SNTG2: variants seen among roughly 807,000 people sequenced by gnomAD.
The protein encoded by SNTG2 is gamma-2-syntrophin.
A neutral mutation model predicts 70.9 loss-of-function variants in SNTG2; 74 were observed. That is an observed-to-expected ratio of 1.04 (90% CI 0.86 to 1.27). The LOEUF (loss-of-function observed/expected upper bound fraction) is 1.27. SNTG2 is among the 50% of genes most tolerant of loss of function. The pLI is 0.00. For missense variants in SNTG2, 717 were observed against 690.7 expected (o/e 1.04, Z -0.43); for synonymous variants, 278 against 273.8 (o/e 1.02, Z -0.15).
chr2:1,287,392 A>C (rs1679807582), intron 14 of SNTG2, among the ~76,000 whole-genome samples: 1 of 152,210 alleles, frequency 6.6e-6, no homozygotes, highest in Admixed American at 6.5e-5. Flanking sequence ...TGAGTCCGGC[A>C]GCCTTTCCTT....
Position 1,247,378 on chromosome 2 carries a change from C to G in SNTG2, c.940C>G (p.Gln314Glu). The change falls in exon 12 of 17, where the codon CAA (glutamine) becomes GAA (glutamate). Residue 314 changes from glutamine (Q) to glutamate (E), a missense_variant. By Grantham distance (29) the Gln-to-Glu change is conservative. Transcript: ENST00000308624. ...NEKLQGADSS[Q>E]TFRPKFLALK... ...GAAACTCCAAGGAGCTGACTCCTCT[C>G]AAACCTTCAGACCCAAGTTCCTAGC... is the stretch of plus-strand genomic sequence containing the variant. 6.2e-7 allele frequency: 1 copy of G among 1,613,980 alleles called. No homozygotes were observed. Among genetic ancestry groups the G allele is most frequent in the Non-Finnish European group, 8.5e-7 (1 of 1,179,880 alleles).
rs1330788533 is a variant in SNTG2 at position 1,316,753 on chromosome 2, T to C, written c.1488+378T>C. On this transcript the variant is annotated intron_variant, in intron 16 of 16. Coordinates refer to ENST00000308624, the MANE Select transcript of SNTG2 (RefSeq NM_018968.4). ...TGGAGCACTTAGCATCAGGGCAGCA[T>C]TGGAGAAGGTTGGGATTCTGGAACA... Among the ~76,000 whole-genome samples, 2 of 128,496 alleles carry C rather than the reference T, an allele frequency of 1.6e-5. 1 individual carries two copies. Among genetic ancestry groups the C allele is most frequent in the Non-Finnish European group, 3.4e-5 (2 of 58,366 alleles). The allele number at this position is 128,496 out of a possible 152,430, so 84.3% of individuals were successfully genotyped here.
At chr2:1,110,291 GGGTCACCAT>G (rs1243569428) in intron 4 of SNTG2, among the ~76,000 whole-genome samples, 1 of 152,092 alleles carries the variant, frequency 6.6e-6, no homozygotes, top group African/African-American at 2.4e-5. Flanking sequence ...TTGTGTGATG[GGGTCACCAT>G]GACATGGGCC....
chr2:1,037,824 T>A, intron 1 of SNTG2, among the ~76,000 whole-genome samples: 1 of 152,180 alleles, frequency 6.6e-6, no homozygotes, highest in African/African-American at 2.4e-5. Flanking sequence ...GGCTACAACA[T>A]GTTATTTATC....
At position 1,209,104 on chromosome 2, in the gene SNTG2, C is replaced by T; in HGVS notation, c.593C>T (p.Ala198Val). The change falls in exon 9 of 17, where the codon GCC becomes GTC. Residue 198 changes from alanine to valine, a missense_variant and splice_region_variant. Transcript: ENST00000308624. ...LHLNGNSSTTAPSSPSSPIAK... is the reference protein window; with the variant it reads ...LHLNGNSSTTVPSSPSSPIAK... Reference sequence around the variant, plus strand: ...TTCATTCTCCTTTCTTCTGTACAGGCCCCATCGTCACCTTCCTCGCCCATA... The same window carrying T: ...TTCATTCTCCTTTCTTCTGTACAGGTCCCATCGTCACCTTCCTCGCCCATA... 1 of 1,613,918 alleles carries T rather than the reference C, an allele frequency of 6.2e-7. No homozygotes were observed. The highest frequency in any genetic ancestry group is 8.5e-7 in the Non-Finnish European group (1 of 1,179,880).
chr2:978,829 T>A (rs1269951577), intron 1 of SNTG2, among the ~76,000 whole-genome samples: 1 of 152,246 alleles, frequency 6.6e-6, no homozygotes, highest in Non-Finnish European at 1.5e-5. Flanking sequence ...TAATCAAGTG[T>A]ATGAACCTGG....
intron 1 of SNTG2, among the ~76,000 whole-genome samples, chr2:981,702 T>G (rs1558292175): frequency 6.6e-6 from 1 of 152,138 alleles, no homozygotes; most frequent in Non-Finnish European, 1.5e-5. Flanking sequence ...CATATACACA[T>G]GCACACACAA....
At chr2:1,251,835 T>C (rs13024565) in intron 12 of SNTG2, among the ~76,000 whole-genome samples, 49,967 of 151,620 alleles carry the variant, frequency 0.33, 9,726 homozygotes, top group African/African-American at 0.55. Context: ...ACACACCACA[T>C]GCACACCCCA....
chr2:1,202,569 G>C (rs144458877), intron 8 of SNTG2, among the ~76,000 whole-genome samples: 1 of 152,184 alleles, frequency 6.6e-6, no homozygotes, highest in African/African-American at 2.4e-5. Flanking sequence ...AAGCCCAGCA[G>C]TATGAGAATC....
At chr2:1,242,075 C>T (rs1271654237) in intron 11 of SNTG2, among the ~76,000 whole-genome samples, 1 of 152,110 alleles carries the variant, frequency 6.6e-6, no homozygotes, top group Non-Finnish European at 1.5e-5. Flanking sequence ...GGAAATTGAT[C>T]TTAGAGCTGA....
intron 11 of SNTG2, among the ~76,000 whole-genome samples, chr2:1,240,888 C>T (rs1371394563): frequency 6.6e-6 from 1 of 152,126 alleles, no homozygotes; most frequent in East Asian, 1.9e-4. Context: ...ATAAATTCTT[C>T]AAATTAATAT....
At chr2:1,334,897 A>C (rs545508898) in intron 16 of SNTG2, among the ~76,000 whole-genome samples, 1 of 152,320 alleles carries the variant, frequency 6.6e-6, no homozygotes, top group South Asian at 2.1e-4. Context: ...AAACAACTTA[A>C]CCATGTAACC....
At chr2:1,257,558 AAG>A (rs1473358753) in intron 12 of SNTG2, among the ~76,000 whole-genome samples, 1 of 152,222 alleles carries the variant, frequency 6.6e-6, no homozygotes, top group Non-Finnish European at 1.5e-5. Context: ...GCGAACAACA[AAG>A]AGCACAGCCC....
chr2:1,277,059 A>C (rs1679296880), intron 14 of SNTG2, among the ~76,000 whole-genome samples: 1 of 152,256 alleles, frequency 6.6e-6, no homozygotes, highest in Non-Finnish European at 1.5e-5. Context: ...AAGCAAAGAA[A>C]GTGGTTTCTT....
intron 14 of SNTG2, among the ~76,000 whole-genome samples, chr2:1,276,587 A>T: frequency 6.6e-6 from 1 of 152,236 alleles, no homozygotes; most frequent in East Asian, 1.9e-4. Context: ...TGACAATGCA[A>T]TTGGTCACTC....
intron 1 of SNTG2, among the ~76,000 whole-genome samples, chr2:988,040 A>G (rs1030774839): frequency 6.6e-6 from 1 of 152,140 alleles, no homozygotes; most frequent in Non-Finnish European, 1.5e-5. Flanking sequence ...CTTCCTCCTC[A>G]TCACCTCATG....
intron 1 of SNTG2, among the ~76,000 whole-genome samples, chr2:979,256 T>G (rs1324268280): frequency 6.6e-6 from 1 of 152,212 alleles, no homozygotes; most frequent in Non-Finnish European, 1.5e-5. Context: ...AGTGGCTGCT[T>G]CAGGCATCAG....
At chr2:999,891 A>G (rs1213431743) in intron 1 of SNTG2, among the ~76,000 whole-genome samples, 1 of 151,998 alleles carries the variant, frequency 6.6e-6, no homozygotes, top group Non-Finnish European at 1.5e-5. Flanking sequence ...AACAAGTCTA[A>G]GTAAATTTTC....
intron 6 of SNTG2, among the ~76,000 whole-genome samples, chr2:1,152,587 T>C (rs867065312): frequency 1.1e-4 from 14 of 127,762 alleles, no homozygotes; most frequent in Admixed American, 7.5e-4. Context: ...TGTGTGTGTG[T>C]GCACATGTGC....
Sources: gnomAD v4.1 joint callset for allele counts (sites outside exome capture counted in the v4.1 genomes callset) on GRCh38, gnomAD v4.1.1 for gene constraint, MANE v1.5 for transcripts, NCBI Gene and HGNC (gene_info 2026-07-23, HGNC 2026-07-21) for gene names.